The following TPH2 variants were observed in gnomAD, a reference collection of about 807,000 sequenced individuals.
The protein encoded by TPH2 is tryptophan 5-hydroxylase 2.
A neutral mutation model predicts 59.1 loss-of-function variants in TPH2; 27 were observed. The observed-to-expected ratio is 0.46, with a 90% confidence interval of 0.34 to 0.63. The LOEUF (loss-of-function observed/expected upper bound fraction) is 0.63, where lower values mean the gene tolerates loss of function less well. TPH2 is among the 30% of genes least tolerant of loss of function. The probability of loss-of-function intolerance (pLI) is 0.01; values close to 1 mark genes in which losing one functional copy is unlikely to be tolerated. For synonymous variants in TPH2, 220 were observed against 210.5 expected (o/e 1.05, Z -0.39); for missense variants, 523 against 588.3 (o/e 0.89, Z 1.15).
chr12:71,986,324 C>A (rs531057149), intron 7 of TPH2, among the ~76,000 whole-genome samples: 4 of 152,134 alleles, frequency 2.6e-5, no homozygotes, highest in African/African-American at 9.7e-5. Flanking sequence ...AATTCCAGTG[C>A]GTCCTTAGTT....
At chr12:71,999,573 A>T (rs1872772476) in intron 8 of TPH2, among the ~76,000 whole-genome samples, 2 of 152,230 alleles carry the variant, frequency 1.3e-5, no homozygotes, top group Non-Finnish European at 2.9e-5. Flanking sequence ...TGAATTTAAT[A>T]GATTAGTGTG....
intron 5 of TPH2, among the ~76,000 whole-genome samples, chr12:71,956,561 TTCCTTCTTTCCC>T (rs1871510832): frequency 1.0e-5 from 1 of 99,642 alleles, no homozygotes; most frequent in Non-Finnish European, 2.2e-5. Context: ...CCCTCCTTCC[TTCCTTCTTTCCC>T]TCCTTCCTTC....
chr12:71,971,821 G>A (rs907906845), intron 5 of TPH2, among the ~76,000 whole-genome samples: 3 of 152,204 alleles, frequency 2.0e-5, no homozygotes, highest in Non-Finnish European at 2.9e-5. Context: ...TTGAGATATA[G>A]TGGCAGAATT....
At chr12:71,983,385 TA>T (rs34133267) in intron 7 of TPH2, among the ~76,000 whole-genome samples, 13 of 152,078 alleles carry the variant, frequency 8.5e-5, no homozygotes, top group African/African-American at 3.1e-4. Flanking sequence ...TGATTTCCTT[TA>T]AAAAAAATCA....
At chr12:72,010,853 C>T (rs1873082516) in intron 8 of TPH2, among the ~76,000 whole-genome samples, 1 of 152,162 alleles carries the variant, frequency 6.6e-6, no homozygotes, top group Non-Finnish European at 1.5e-5. Flanking sequence ...TGATGCAGAA[C>T]ATTTTAGGGC....
chr12:71,939,980 C>T (rs1440285477), intron 1 of TPH2, among the ~76,000 whole-genome samples: 1 of 152,148 alleles, frequency 6.6e-6, no homozygotes, highest in Admixed American at 6.5e-5. Flanking sequence ...GTTGGACTGA[C>T]ATATTATTAC....
At chr12:72,014,968 A>G (rs1361525811) in intron 8 of TPH2, among the ~76,000 whole-genome samples, 1 of 152,156 alleles carries the variant, frequency 6.6e-6, no homozygotes, top group African/African-American at 2.4e-5. Context: ...TAAAACCTCT[A>G]TTCCAAAGCT....
At chr12:72,023,113 C>G (rs1055297094) in intron 9 of TPH2, among the ~76,000 whole-genome samples, 2 of 151,768 alleles carry the variant, frequency 1.3e-5, no homozygotes, top group African/African-American at 4.8e-5. Flanking sequence ...AATGTTGAGA[C>G]CTGGAATATT....
chr12:71,944,129 A>C (rs1871141690), intron 2 of TPH2, among the ~76,000 whole-genome samples, 165 bp from the exon 3 acceptor site: 1 of 152,100 alleles, frequency 6.6e-6, no homozygotes. Flanking sequence ...TTATTAATGG[A>C]AATAATGGTT....
At chr12:71,999,798 C>T (rs775055684) in intron 8 of TPH2, among the ~76,000 whole-genome samples, 80 of 152,218 alleles carry the variant, frequency 5.3e-4, no homozygotes, top group Non-Finnish European at 9.8e-4. Context: ...AACAGAACTA[C>T]AAGGCTCTCA....
chr12:71,961,830 T>C, intron 5 of TPH2: 1 of 1,173,498 alleles, frequency 8.5e-7, no homozygotes, highest in African/African-American at 1.6e-5. Context: ...TTCTAGGAGT[T>C]AAATCTTTGT....
chr12:71,976,705 A>T (rs1286787656), intron 6 of TPH2, among the ~76,000 whole-genome samples: 2 of 152,168 alleles, frequency 1.3e-5, no homozygotes, highest in African/African-American at 4.8e-5. Flanking sequence ...GGGTCTGAGG[A>T]GGCCTGAGAA....
chr12:72,029,040 A>AT (rs1022300216), intron 9 of TPH2, among the ~76,000 whole-genome samples: 2 of 152,112 alleles, frequency 1.3e-5, no homozygotes, highest in African/African-American at 4.8e-5. Context: ...ACAAAATGAT[A>AT]TTTTTTCCAA....
In TPH2 at chr12:72,031,278, A is replaced by G. The variant is rs758095072; in HGVS notation, c.1185A>G (p.Ala395=). Residue 395 remains alanine (A), a synonymous_variant, in exon 10 of 11, where the codon GCA becomes GCG. Transcript: ENST00000333850. ...TGCAGCACGCCCTTTCTGACAAGGC[A>G]TGTGTGAAAGCCTTTGACCCAAAGA... ...GELKHALSDK[A]CVKAFDPKTT... The G allele has an allele frequency of 3.1e-6, 5 of 1,613,572 alleles. No individual in the cohort carries two copies. Among genetic ancestry groups the G allele is most frequent in the Non-Finnish European group, 3.4e-6 (4 of 1,179,562 alleles).
At chr12:71,960,088 A>G (rs1412746607) in intron 5 of TPH2, among the ~76,000 whole-genome samples, 1 of 152,198 alleles carries the variant, frequency 6.6e-6, no homozygotes, top group Non-Finnish European at 1.5e-5. Context: ...CTGCATAAAC[A>G]CTAGTTGTTG....
chr12:71,999,309 CTT>C (rs1430523083), intron 8 of TPH2, among the ~76,000 whole-genome samples: 1 of 152,218 alleles, frequency 6.6e-6, no homozygotes, highest in African/African-American at 2.4e-5. Flanking sequence ...TAAATGAACT[CTT>C]TTGTATCTGA....
chr12:71,952,307 A>G (rs1482934295), intron 5 of TPH2, among the ~76,000 whole-genome samples: 7 of 152,128 alleles, frequency 4.6e-5, no homozygotes, highest in Admixed American at 3.3e-4. Context: ...GTGGACATTT[A>G]CACAAAAGAG....
chr12:72,021,088 A>G (rs1241784858), intron 8 of TPH2, among the ~76,000 whole-genome samples: 1 of 152,162 alleles, frequency 6.6e-6, no homozygotes, highest in African/African-American at 2.4e-5. Context: ...TCAGTGCTCT[A>G]TCATCATTAA....
At chr12:71,994,673 C>T in intron 8 of TPH2, 108 bp downstream of exon 8, 1 of 1,401,356 alleles carries the variant, frequency 7.1e-7, no homozygotes. Flanking sequence ...CTGGAGAAAA[C>T]ATGGTGAATT....
Sources: gnomAD v4.1 joint callset for allele counts (sites outside exome capture counted in the v4.1 genomes callset) on GRCh38, gnomAD v4.1.1 for gene constraint, MANE v1.5 for transcripts, NCBI Gene and HGNC (gene_info 2026-07-23, HGNC 2026-07-21) for gene names.